The following EPRS1 variants were observed in gnomAD, a reference collection of about 807,000 sequenced individuals.
The protein encoded by EPRS1 is glutamyl-prolyl-tRNA synthetase 1, also known as bifunctional glutamate/proline--tRNA ligase.
In EPRS1, 107 loss-of-function variants were observed where a neutral mutation model predicts 188.3. The observed-to-expected ratio is 0.57, with a 90% CI of 0.49 to 0.67. The LOEUF (loss-of-function observed/expected upper bound fraction) is 0.67. Among genes scored for constraint, EPRS1 ranks in the 30% least tolerant of loss-of-function variants. The probability of loss-of-function intolerance (pLI) is 0.00; values close to 1 mark genes in which losing one functional copy is unlikely to be tolerated. For missense variants in EPRS1, 1,577 were observed against 1,802.2 expected (o/e 0.88, Z 2.26); for synonymous variants, 596 against 593.1 (o/e 1.00, Z -0.07).
Position 219,979,552 on chromosome 1 carries a change from G to C in EPRS1, c.3775C>G (p.Pro1259Ala), listed in dbSNP as rs766919939. ...AATTGCTTCTCTCCTGGTATCTTTG[G>C]ATCTTCAAAAACGATTTCAAACATT... ...SKMFEIVFEDPKIPGEKQFAY... is the reference protein window; with the variant it reads ...SKMFEIVFEDAKIPGEKQFAY... Residue 1259 changes from proline to alanine, a missense_variant, in exon 27 of 32, where the codon CCA becomes GCA. Coordinates refer to ENST00000366923, the MANE Select transcript of EPRS1 (RefSeq NM_004446.3). The C allele has an allele frequency of 1.9e-6, 3 of 1,613,892 alleles. No homozygotes were observed. In the Admixed American group the frequency reaches 5.0e-5, roughly 27 times the overall value.
At chr1:220,032,305 C>T in intron 5 of EPRS1, 82 bp downstream of exon 5, 1 of 1,084,478 alleles carries the variant, frequency 9.2e-7, no homozygotes, top group Non-Finnish European at 1.3e-6. Flanking sequence ...TCAGGATGGT[C>T]TCAATCTCCT....
At chr1:219,998,918 CAAAAA>C (rs35145633) in intron 17 of EPRS1, among the ~76,000 whole-genome samples, 2 of 126,446 alleles carry the variant, frequency 1.6e-5, no homozygotes. Flanking sequence ...AGTGTAACAC[CAAAAA>C]AAAAAAAAAA....
intron 20 of EPRS1, 84 bp from the exon 21 acceptor site, chr1:219,984,341 ATAGAT>A: frequency 1.1e-6 from 1 of 907,386 alleles, no homozygotes; most frequent in Non-Finnish European, 1.8e-6. Context: ...AAAGTTCAAA[ATAGAT>A]TAGTCTTTCT....
chr1:219,985,313 A>C (rs1458067501), intron 20 of EPRS1, among the ~76,000 whole-genome samples: 2 of 152,194 alleles, frequency 1.3e-5, no homozygotes, highest in African/African-American at 4.8e-5. Flanking sequence ...TAACACCTAA[A>C]AAGTAATAAA....
intron 19 of EPRS1, among the ~76,000 whole-genome samples, chr1:219,988,134 A>G (rs1433106711): frequency 1.3e-5 from 2 of 152,212 alleles, no homozygotes; most frequent in Non-Finnish European, 2.9e-5. Context: ...AGAAAAACCT[A>G]CTCCTAAAAA....
At chr1:219,982,590 T>C in intron 23 of EPRS1, 182 bp downstream of exon 23, 1 of 465,864 alleles carries the variant, frequency 2.1e-6, no homozygotes, top group Admixed American at 3.9e-5. Context: ...AGCTCTACAA[T>C]GAATATTAGA....
rs939395006 is a variant in EPRS1 at position 220,045,087 on chromosome 1, A to G, written c.46+1256T>C. 2.4e-4 allele frequency among the ~76,000 whole-genome samples: 37 copies of G among 152,376 alleles called. 1 individual carries two copies. Among genetic ancestry groups the G allele is most frequent in the African/African-American group, 7.9e-4 (33 of 41,598 alleles). On this transcript the variant is annotated intron_variant, in intron 1 of 31. Transcript: ENST00000366923. ...TGTTCAACAACCTTAAAACATCACC[A>G]AAGTTGAGAATATAATGAATAATTT...
chr1:220,000,780 A>G (rs1051223276), intron 17 of EPRS1, among the ~76,000 whole-genome samples: 4 of 152,174 alleles, frequency 2.6e-5, no homozygotes, highest in African/African-American at 9.6e-5. Context: ...CAGGAGTTCA[A>G]GACCAGCCAG....
At chr1:220,002,598 A>G (rs1315777968) in intron 16 of EPRS1, among the ~76,000 whole-genome samples, 1 of 151,790 alleles carries the variant, frequency 6.6e-6, no homozygotes, top group Non-Finnish European at 1.5e-5. Context: ...GGTGGCTCAC[A>G]TCTGTAATCC....
At chr1:220,002,828 C>A (rs1661385692) in intron 16 of EPRS1, among the ~76,000 whole-genome samples, 1 of 151,990 alleles carries the variant, frequency 6.6e-6, no homozygotes, top group Admixed American at 6.6e-5. Context: ...GAGAGTGAGA[C>A]CCTGTCTCTT....
intron 4 of EPRS1, among the ~76,000 whole-genome samples, chr1:220,032,871 G>GCT (rs1322798841): frequency 2.0e-5 from 3 of 151,968 alleles, no homozygotes; most frequent in Non-Finnish European, 2.9e-5. Context: ...TAGTTCCACA[G>GCT]CTGTGTGTGT....
At chr1:219,985,659 C>A (rs1316162423) in intron 20 of EPRS1, among the ~76,000 whole-genome samples, 1 of 152,148 alleles carries the variant, frequency 6.6e-6, no homozygotes, top group East Asian at 1.9e-4. Flanking sequence ...CCCATCCCAG[C>A]CTCCCAAAGT....
chr1:219,986,437 C>T (rs774964495), intron 20 of EPRS1, among the ~76,000 whole-genome samples: 3 of 152,126 alleles, frequency 2.0e-5, no homozygotes, highest in Non-Finnish European at 2.9e-5. Flanking sequence ...ACTTGATCTG[C>T]GATGCCAATA....
chr1:220,000,422 GCTCTCATT>G (rs1443284892), intron 17 of EPRS1, among the ~76,000 whole-genome samples: 2 of 152,016 alleles, frequency 1.3e-5, no homozygotes, highest in African/African-American at 4.8e-5. Flanking sequence ...TGTCTTTTTC[GCTCTCATT>G]CTCTCATGAC....
intron 1 of EPRS1, among the ~76,000 whole-genome samples, chr1:220,044,099 G>A (rs1011107406): frequency 3.9e-5 from 6 of 152,028 alleles, no homozygotes; most frequent in African/African-American, 1.2e-4. Context: ...TGGGTGGTAT[G>A]GGGGAAAAAG....
chr1:220,036,759 G>T (rs1024404820), intron 2 of EPRS1, among the ~76,000 whole-genome samples: 4 of 151,976 alleles, frequency 2.6e-5, no homozygotes, highest in African/African-American at 9.7e-5. Flanking sequence ...AAAATAATAT[G>T]TACAGCAAAC....
In EPRS1 at chr1:219,980,281, C is replaced by T. The variant is rs768840036; in HGVS notation, c.3556-41G>A. On this transcript the variant is annotated intron_variant, in intron 25 of 31. Coordinates refer to ENST00000366923, the MANE Select transcript of EPRS1 (RefSeq NM_004446.3). The stretch of plus-strand genomic sequence containing the variant: ...TGTAAATGTGTTCAAATTTAGGGTA[C>T]ATTTATTCATTAAGATCTATAAAAC... The T allele has an allele frequency of 3.4e-6, 5 of 1,486,790 alleles. No homozygotes were observed. The Admixed American group carries it at 5.2e-5, about 15-fold the overall frequency. 92.1% of individuals were successfully genotyped at this position (1,486,790 alleles called of 1,614,324 possible). A position where few individuals can be genotyped will look rare whatever the true frequency, so the allele number is the denominator to read the frequency against.
chr1:219,992,401 T>A (rs533297746), intron 18 of EPRS1, among the ~76,000 whole-genome samples: 8 of 152,374 alleles, frequency 5.3e-5, no homozygotes, highest in Non-Finnish European at 8.8e-5. Context: ...GAATTATTTT[T>A]ATTTAATAAT....
intron 1 of EPRS1, among the ~76,000 whole-genome samples, chr1:220,045,908 G>A (rs1260936231): frequency 6.6e-6 from 1 of 152,208 alleles, no homozygotes; most frequent in African/African-American, 2.4e-5. Context: ...GGAGGGACAG[G>A]ACAGGAAAGG....
Sources: gnomAD v4.1 joint callset for allele counts (sites outside exome capture counted in the v4.1 genomes callset) on GRCh38, gnomAD v4.1.1 for gene constraint, MANE v1.5 for transcripts, NCBI Gene and HGNC (gene_info 2026-07-23, HGNC 2026-07-21) for gene names.